The following EDIL3 variants were observed in gnomAD, a reference collection of about 807,000 sequenced individuals.
EDIL3 encodes EGF-like repeat and discoidin I-like domain-containing protein 3.
In EDIL3, 37 loss-of-function variants were observed where a neutral mutation model predicts 67.4. That is an observed-to-expected ratio of 0.55 (90% CI 0.42 to 0.72). EDIL3 has a LOEUF of 0.72. Ranked by LOEUF, EDIL3 falls within the 30% of genes least tolerant of loss-of-function variation. EDIL3 has a pLI of 0.00. For synonymous variants in EDIL3, 195 were observed against 196.3 expected (o/e 0.99, Z 0.05); for missense variants, 527 against 586.3 (o/e 0.90, Z 1.04).
At chr5:84,353,790 T>A (rs1299682833) in intron 1 of EDIL3, among the ~76,000 whole-genome samples, 1 of 152,188 alleles carries the variant, frequency 6.6e-6, no homozygotes, top group African/African-American at 2.4e-5. Context: ...TAATTCTTTG[T>A]CATTTTTATC....
At chr5:84,048,750 A>G (rs2112221744) in intron 9 of EDIL3, among the ~76,000 whole-genome samples, 1 of 152,206 alleles carries the variant, frequency 6.6e-6, no homozygotes, top group Non-Finnish European at 1.5e-5. Flanking sequence ...ATGAATACAT[A>G]CACAATGTAT....
intron 1 of EDIL3, among the ~76,000 whole-genome samples, chr5:84,381,287 A>G (rs1748070716): frequency 6.6e-6 from 1 of 152,172 alleles, no homozygotes; most frequent in African/African-American, 2.4e-5. Flanking sequence ...ATATTGCAAT[A>G]CTGTCAAACT....
At chr5:84,027,025 G>A (rs1472447373) in intron 9 of EDIL3, among the ~76,000 whole-genome samples, 1 of 152,136 alleles carries the variant, frequency 6.6e-6, no homozygotes, top group East Asian at 1.9e-4. Context: ...AGCCCAAGAG[G>A]CAGAACCTAC....
chr5:83,990,787 G>A (rs1440296865), intron 9 of EDIL3, among the ~76,000 whole-genome samples: 1 of 151,808 alleles, frequency 6.6e-6, no homozygotes, highest in Non-Finnish European at 1.5e-5. Context: ...GGCTGAAACA[G>A]GAGAATTGCT....
intron 1 of EDIL3, among the ~76,000 whole-genome samples, chr5:84,315,929 T>C (rs1051231336): frequency 2.6e-5 from 4 of 152,130 alleles, no homozygotes; most frequent in Non-Finnish European, 4.4e-5. Context: ...AAACTCTACA[T>C]GCCAGAAGAG....
At chr5:84,267,603 T>C (rs1374272430) in intron 1 of EDIL3, among the ~76,000 whole-genome samples, 1 of 152,186 alleles carries the variant, frequency 6.6e-6, no homozygotes, top group Admixed American at 6.5e-5. Flanking sequence ...CCACAGCATA[T>C]GAATCATCAT....
At chr5:84,005,560 A>T (rs2112174165) in intron 9 of EDIL3, among the ~76,000 whole-genome samples, 1 of 152,278 alleles carries the variant, frequency 6.6e-6, no homozygotes, top group Middle Eastern at 3.4e-3. Flanking sequence ...CATACACAGA[A>T]CTAAAAGTGA....
At chr5:83,988,523 C>A (rs573042572) in intron 9 of EDIL3, among the ~76,000 whole-genome samples, 1 of 152,274 alleles carries the variant, frequency 6.6e-6, no homozygotes, top group Non-Finnish European at 1.5e-5. Context: ...GAAGAGCTCT[C>A]TCTGTAGAGC....
intron 9 of EDIL3, among the ~76,000 whole-genome samples, chr5:83,981,652 A>G (rs1580263896): frequency 6.6e-6 from 1 of 152,064 alleles, no homozygotes; most frequent in South Asian, 2.1e-4. Flanking sequence ...TGATTAGCCA[A>G]CTTCTGAATA....
chr5:83,958,764 C>T (rs1002211750), intron 10 of EDIL3, among the ~76,000 whole-genome samples: 1 of 151,406 alleles, frequency 6.6e-6, no homozygotes, highest in African/African-American at 2.4e-5. Context: ...AAGTGTTTGT[C>T]AAGTTTTGCA....
intron 5 of EDIL3, among the ~76,000 whole-genome samples, chr5:84,124,182 A>G (rs991612924): frequency 6.6e-6 from 1 of 151,942 alleles, no homozygotes; most frequent in Non-Finnish European, 1.5e-5. Flanking sequence ...AGTACACTGA[A>G]GAAACAATGT....
chr5:84,033,881 G>A (rs867677900), intron 9 of EDIL3, among the ~76,000 whole-genome samples: 3 of 151,984 alleles, frequency 2.0e-5, no homozygotes, highest in East Asian at 1.9e-4. Flanking sequence ...TGTATGTGAC[G>A]TTACACTTTA....
intron 1 of EDIL3, among the ~76,000 whole-genome samples, chr5:84,358,156 C>T (rs566229111): frequency 1.2e-3 from 180 of 152,244 alleles, no homozygotes; most frequent in African/African-American, 4.2e-3. Flanking sequence ...CCAGTGAATG[C>T]AATACAAATG....
intron 3 of EDIL3, among the ~76,000 whole-genome samples, chr5:84,196,300 C>T (rs1743701736): frequency 6.6e-6 from 1 of 151,998 alleles, no homozygotes; most frequent in Non-Finnish European, 1.5e-5. Context: ...GCTGTTTCCT[C>T]TCCCTGAGAT....
intron 1 of EDIL3, among the ~76,000 whole-genome samples, chr5:84,384,033 T>C (rs539671164): frequency 6.6e-6 from 1 of 152,110 alleles, no homozygotes; most frequent in Non-Finnish European, 1.5e-5. Context: ...TCGCTGGTCC[T>C]GGGGACGCTG....
At chr5:83,990,025 C>T (rs1745122670) in intron 9 of EDIL3, among the ~76,000 whole-genome samples, 1 of 152,142 alleles carries the variant, frequency 6.6e-6, no homozygotes, top group East Asian at 1.9e-4. Flanking sequence ...GCAGATTTTT[C>T]CCTGTGCAAT....
chr5:84,071,046 C>A (rs2112245884), intron 6 of EDIL3, among the ~76,000 whole-genome samples: 1 of 152,256 alleles, frequency 6.6e-6, no homozygotes, highest in Non-Finnish European at 1.5e-5. Flanking sequence ...GTGGGCCAGG[C>A]TTAGACAGGA....
At chr5:83,956,194 T>TC (rs934846894) in intron 10 of EDIL3, among the ~76,000 whole-genome samples, 4 of 151,776 alleles carry the variant, frequency 2.6e-5, no homozygotes, top group Non-Finnish European at 5.9e-5. Flanking sequence ...CCTCCTGTTG[T>TC]CCCCTTCCTT....
intron 9 of EDIL3, among the ~76,000 whole-genome samples, chr5:84,034,954 T>C (rs949306004): frequency 2.6e-5 from 4 of 152,214 alleles, no homozygotes; most frequent in South Asian, 2.1e-4. Flanking sequence ...TTTGGACTTT[T>C]AGAAGACAAA....
Sources: allele counts gnomAD v4.1 joint callset (sites outside exome capture counted in the v4.1 genomes callset), GRCh38; gene constraint gnomAD v4.1.1; transcripts MANE v1.5; gene names NCBI Gene and HGNC (gene_info 2026-07-23, HGNC 2026-07-21).